IAH1: variants seen among roughly 807,000 people sequenced by gnomAD.
IAH1 encodes the protein isoamyl acetate-hydrolyzing esterase 1 homolog.
In IAH1, 24 loss-of-function variants were observed where a neutral mutation model predicts 26.7. The observed-to-expected ratio is 0.90, with a 90% CI of 0.65 to 1.26. The LOEUF (loss-of-function observed/expected upper bound fraction) is 1.26. Ranked by LOEUF, IAH1 falls within the 50% of genes most tolerant of loss-of-function variation. IAH1 has a pLI of 0.00. For missense variants in IAH1, 300 were observed against 299.9 expected (o/e 1.00, Z 0.00); for synonymous variants, 140 against 118.5 (o/e 1.18, Z -1.18).
chr2:9,485,437 TGAGTTCAG>T (rs2124924519), intron 5 of IAH1: 1 of 152,556 alleles, frequency 6.6e-6, no homozygotes, highest in East Asian at 1.9e-4. Context: ...GTGGATCACC[TGAGTTCAG>T]GAGTTCAAGA....
chr2:9,510,252 T>C, the IAH1 span: 1 of 1,112,664 alleles, frequency 9.0e-7, no homozygotes, highest in South Asian at 1.5e-5. Flanking sequence ...GAATAAGAAC[T>C]GCATGCTTAT....
chr2:9,502,224 T>A, the IAH1 span: 8 of 1,613,946 alleles, frequency 5.0e-6, no homozygotes. Flanking sequence ...TCCTGGCACT[T>A]CTTCTGGGCA....
At chr2:9,498,650 G>T (rs962703958), downstream of IAH1, among the ~76,000 whole-genome samples, 4 of 152,196 alleles carry the variant, frequency 2.6e-5, no homozygotes, top group Admixed American at 2.0e-4. Flanking sequence ...CAGGCACTTT[G>T]CCTCTGGTTC....
chr2:9,491,288 A>T, downstream of IAH1: 1 of 691,172 alleles, frequency 1.4e-6, no homozygotes. Flanking sequence ...GGCTCAACAG[A>T]TGACAATCCA....
chr2:9,504,225 T>C, the IAH1 span, among the ~76,000 whole-genome samples: 25 of 151,500 alleles, frequency 1.7e-4, no homozygotes, highest in Admixed American at 7.2e-4. Context: ...GGTGGGCAGA[T>C]CATGAAGTCA....
Position 9,474,618 on chromosome 2 carries a change from T to C in IAH1, c.52T>C (p.Leu18=). The part of the protein sequence containing the change: ...GCGSALLWPR[L]LLFGDSITQF... ...CGGGAGTGCCCTGCTCTGGCCTCGCTTGTTGCTCTTCGGGGACTCCATCAC... is the reference window on the plus strand; with the variant it reads ...CGGGAGTGCCCTGCTCTGGCCTCGCCTGTTGCTCTTCGGGGACTCCATCAC... The change falls in exon 1 of 6, where the codon TTG becomes CTG. Residue 18 remains leucine, a synonymous_variant. Coordinates refer to ENST00000497473, the MANE Select transcript of IAH1 (RefSeq NM_001039613.3). The surrounding 1 kb of genome is among the most constrained non-coding windows in gnomAD (Gnocchi z 4.3). 1 of 1,543,962 alleles carries C rather than the reference T, an allele frequency of 6.5e-7. No homozygotes were observed.
chr2:9,502,879 CAA>C, the IAH1 span, among the ~76,000 whole-genome samples: 185 of 43,586 alleles, frequency 4.2e-3, 1 homozygote, highest in African/African-American at 0.017. Context: ...AATTCTGTCT[CAA>C]AAAAAAAAAA....
the IAH1 span, among the ~76,000 whole-genome samples, chr2:9,504,161 T>C: frequency 6.7e-6 from 1 of 150,210 alleles, no homozygotes; most frequent in African/African-American, 2.5e-5. Context: ...AAAAAGAAAA[T>C]AAAGGCCAGG....
the IAH1 span, among the ~76,000 whole-genome samples, chr2:9,506,003 G>T: frequency 6.6e-6 from 1 of 152,116 alleles, no homozygotes; most frequent in Non-Finnish European, 1.5e-5. Context: ...TCCCACCCTG[G>T]AGTACAGAAC....
intron 4 of IAH1, among the ~76,000 whole-genome samples, chr2:9,482,879 C>T (rs1326802531): frequency 6.6e-6 from 1 of 152,204 alleles, no homozygotes; most frequent in Non-Finnish European, 1.5e-5. Context: ...GGCCCTATTG[C>T]TGTGCATGAG....
chr2:9,502,539 G>A, the IAH1 span, among the ~76,000 whole-genome samples: 5 of 152,206 alleles, frequency 3.3e-5, no homozygotes, highest in South Asian at 1.0e-3. Flanking sequence ...AAACATCTTG[G>A]TGCCCTTGGT....
At chr2:9,497,333 A>C, downstream of IAH1, 1 of 1,551,126 alleles carries the variant, frequency 6.4e-7, no homozygotes, top group Non-Finnish European at 8.7e-7. Flanking sequence ...TTTCTCATAC[A>C]AGTGAGCATC....
chr2:9,483,820 CTT>C (rs894034613), intron 4 of IAH1, among the ~76,000 whole-genome samples: 1 of 152,212 alleles, frequency 6.6e-6, no homozygotes, highest in African/African-American at 2.4e-5. Context: ...TGTTTAGTCT[CTT>C]AATCCTGCCA....
At chr2:9,497,332 C>T (rs879919670), downstream of IAH1, 67 of 1,553,694 alleles carry the variant, frequency 4.3e-5, no homozygotes, top group Non-Finnish European at 5.8e-5. Context: ...GTTTCTCATA[C>T]AAGTGAGCAT....
At position 9,488,258 on chromosome 2, in the gene IAH1, C is replaced by A. The variant is rs1241438590; in HGVS notation, c.676C>A (p.Leu226Met). The A allele has an allele frequency of 1.2e-6, 2 of 1,613,716 alleles. No individual in the cohort carries two copies. Among genetic ancestry groups the A allele is most frequent in the Admixed American group, 3.3e-5 (2 of 59,820 alleles). ...IEKKVSSLPLLLPYWRDVAEA... is the reference protein window; with the variant it reads ...IEKKVSSLPLMLPYWRDVAEA... The stretch of plus-strand genomic sequence containing the variant: ...GAAAAAGGTCTCTTCTCTACCTTTG[C>A]TGCTTCCTTACTGGCGGGATGTAGC... Residue 226 changes from leucine to methionine, a missense_variant, in exon 6 of 6, where the codon CTG becomes ATG. Coordinates refer to ENST00000497473, the MANE Select transcript of IAH1 (RefSeq NM_001039613.3).
the IAH1 span, among the ~76,000 whole-genome samples, chr2:9,504,271 TC>T: frequency 1.4e-5 from 2 of 145,592 alleles, no homozygotes; most frequent in East Asian, 4.2e-4. Context: ...ATGCTAAAAC[TC>T]CGTCTCTACT....
intron 2 of IAH1, among the ~76,000 whole-genome samples, chr2:9,477,664 C>CTT (rs58198427): frequency 0.06 from 8,354 of 140,256 alleles, 829 homozygotes; most frequent in African/African-American, 0.2. Flanking sequence ...GGCAACCCGG[C>CTT]TTTTTTTTTT....
chr2:9,477,897 TTATC>T (rs770140499), intron 2 of IAH1, among the ~76,000 whole-genome samples: 4 of 152,204 alleles, frequency 2.6e-5, no homozygotes, highest in Non-Finnish European at 4.4e-5. Flanking sequence ...CTTGCTCAGA[TTATC>T]TATCTGTTGT....
At chr2:9,499,490 C>G (rs1021900196), downstream of IAH1, among the ~76,000 whole-genome samples, 2 of 152,170 alleles carry the variant, frequency 1.3e-5, no homozygotes, top group African/African-American at 2.4e-5. Context: ...CAAGCTCCGC[C>G]TCCCGGGTTC....
Sources: allele counts gnomAD v4.1 joint callset (sites outside exome capture counted in the v4.1 genomes callset), GRCh38; gene constraint gnomAD v4.1.1; non-coding constraint Gnocchi (gnomAD v3.1); transcripts MANE v1.5; gene names NCBI Gene and HGNC (gene_info 2026-07-23, HGNC 2026-07-21).